Variants in ESCO1 observed in about 807,000 individuals in gnomAD.
ESCO1 encodes the protein N-acetyltransferase ESCO1.
ESCO1 carries 33 observed loss-of-function variants against 83.5 expected under a neutral mutation model. The observed-to-expected ratio is 0.40, with a 90% CI of 0.30 to 0.53. ESCO1 has a LOEUF of 0.53. Among genes scored for constraint, ESCO1 ranks in the 20% least tolerant of loss-of-function variants. The pLI is 0.63. For missense variants in ESCO1, 855 were observed against 968.0 expected (o/e 0.88, Z 1.55); for synonymous variants, 332 against 324.3 (o/e 1.02, Z -0.25).
At chr18:21,592,719 T>C (rs1292823323) in intron 1 of ESCO1, among the ~76,000 whole-genome samples, 4 of 120,676 alleles carry the variant, frequency 3.3e-5, no homozygotes, top group African/African-American at 6.6e-5. Context: ...CCAGACGGGG[T>C]GGCTGCCGGG....
rs757071134 is a variant in ESCO1, at chr18:21,573,472, T to C, written c.1372A>G (p.Ile458Val). ...ITCQQEKMKEINSEEVKINDI... is the reference protein window; with the variant it reads ...ITCQQEKMKEVNSEEVKINDI... ...TTAATTTTCACTTCTTCAGAATTAA[T>C]TTCTTTCATTTTTTCCTGCTGGCAA... Residue 458 changes from isoleucine (I) to valine (V), a missense_variant, in exon 4 of 12, where the codon ATT (isoleucine) becomes GTT (valine). Physicochemically the swap from Ile to Val is conservative, Grantham distance 29 (BLOSUM62 3). Coordinates refer to ENST00000269214, the MANE Select transcript of ESCO1 (RefSeq NM_052911.3). 1.9e-6 allele frequency: 3 copies of C among 1,612,012 alleles called. No individual in the cohort carries two copies. The highest frequency in any genetic ancestry group is 2.5e-6 in the Non-Finnish European group (3 of 1,179,604).
chr18:21,542,137 G>C (rs1388184882), intron 8 of ESCO1, among the ~76,000 whole-genome samples: 1 of 152,008 alleles, frequency 6.6e-6, no homozygotes, highest in East Asian at 1.9e-4. Flanking sequence ...AGGATACTTA[G>C]TATTGCTTAG....
rs766550378 is a variant in ESCO1, at chr18:21,574,335, G to A, written c.509C>T (p.Thr170Ile). ...TTTTCTCTTCACATGTTTTTGACTT[G>A]TTTTATTAGATTTACTCTGAGTACT... ...CSSTQSKSNK[T>I]SQKHVKRKVL... The change falls in exon 4 of 12, where the codon ACA (threonine) becomes ATA (isoleucine). Residue 170 changes from threonine to isoleucine, a missense_variant. Thr to Ile is a moderately conservative substitution (Grantham distance 89). Coordinates refer to ENST00000269214, the MANE Select transcript of ESCO1 (RefSeq NM_052911.3). 22 of 1,613,416 alleles carry A rather than the reference G, an allele frequency of 1.4e-5. No homozygotes were observed. The African/African-American group carries it at 2.0e-4, about 15-fold the overall frequency.
Position 21,570,793 on chromosome 18 carries a change from G to A in ESCO1, c.1530+2521C>T, listed in dbSNP as rs201325434. ...GGAGATCGAGACCATCCTGGCCAAC[G>A]GGTGAAACCCCGTCTCTACTAAAAA... On this transcript the variant is annotated intron_variant, in intron 4 of 11. Coordinates refer to ENST00000269214, the MANE Select transcript of ESCO1 (RefSeq NM_052911.3). Among the ~76,000 whole-genome samples, 184 of 152,054 alleles carry A rather than the reference G, an allele frequency of 1.2e-3. 1 individual carries two copies. Among genetic ancestry groups the A allele is most frequent in the East Asian group, 4.7e-3 (24 of 5,142 alleles).
chr18:21,547,319 C>A (rs2037986391), intron 8 of ESCO1, among the ~76,000 whole-genome samples: 1 of 148,042 alleles, frequency 6.8e-6, no homozygotes, highest in African/African-American at 2.5e-5. Flanking sequence ...AAAAAATTAT[C>A]ACATAAGAGA....
intron 10 of ESCO1, among the ~76,000 whole-genome samples, chr18:21,535,631 T>G (rs1348232490): frequency 2.0e-5 from 3 of 152,044 alleles, no homozygotes; most frequent in African/African-American, 7.2e-5. Flanking sequence ...ATCCTCCCAC[T>G]TCGGCCTCCC....
At chr18:21,551,591 G>C (rs1471670019) in intron 8 of ESCO1, among the ~76,000 whole-genome samples, 1 of 152,208 alleles carries the variant, frequency 6.6e-6, no homozygotes, top group African/African-American at 2.4e-5. Context: ...ACAGACAGAG[G>C]ACAAGGAGAA....
chr18:21,542,168 C>G (rs1320717869), intron 8 of ESCO1, among the ~76,000 whole-genome samples: 1 of 151,916 alleles, frequency 6.6e-6, no homozygotes, highest in African/African-American at 2.4e-5. Flanking sequence ...TTCATGAAAA[C>G]AGCAAGTTTT....
intron 1 of ESCO1, among the ~76,000 whole-genome samples, chr18:21,596,730 G>C (rs2038773235): frequency 6.6e-6 from 1 of 152,138 alleles, no homozygotes; most frequent in African/African-American, 2.4e-5. Context: ...AGCTACTCGG[G>C]AGGCTGAGGC....
Position 21,574,317 on chromosome 18 carries a change from T to G in ESCO1, c.527A>C (p.Lys176Thr), listed in dbSNP as rs960243791. 6 of 1,613,844 alleles carry G rather than the reference T, an allele frequency of 3.7e-6. No homozygotes were observed. The highest frequency in any genetic ancestry group is 5.1e-6 in the Non-Finnish European group (6 of 1,180,000). ...AGACTTTACTTCCAGTACTTTTCTC[T>G]TCACATGTTTTTGACTTGTTTTATT... ...KSNKTSQKHVKRKVLEVKSDS... is the reference protein window; with the variant it reads ...KSNKTSQKHVTRKVLEVKSDS... Residue 176 changes from lysine (K) to threonine (T), a missense_variant, in exon 4 of 12, where the codon AAG becomes ACG. Lys to Thr is a moderately conservative substitution (Grantham distance 78). This residue lies in a region of ESCO1 where 726 missense variants were observed against 699.5 expected (regional missense o/e 1.04). Coordinates refer to ENST00000269214, the MANE Select transcript of ESCO1 (RefSeq NM_052911.3).
chr18:21,584,713 G>A lies in ESCO1; in HGVS notation c.-824-273C>T, dbSNP rs113145675. Among the ~76,000 whole-genome samples the A allele has an allele frequency of 1.4e-4, 21 of 152,120 alleles. 1 individual carries two copies. Among genetic ancestry groups the A allele is most frequent in the African/African-American group, 4.6e-4 (19 of 41,484 alleles). On this transcript the variant is annotated intron_variant, in intron 1 of 11. Transcript: ENST00000269214. The stretch of plus-strand genomic sequence containing the variant: ...CACGTCTGTAAGTCCCAGCTACTTC[G>A]GAGGCTGAGGTGGGCGTATCACCTG...
At chr18:21,542,894 A>G (rs750589082) in intron 8 of ESCO1, among the ~76,000 whole-genome samples, 55 of 152,228 alleles carry the variant, frequency 3.6e-4, no homozygotes, top group Admixed American at 2.0e-4. Flanking sequence ...AGCAGGGTTC[A>G]GGAAAGAGTG....
rs202096197 is a variant in ESCO1, at chr18:21,540,015, T to G, written c.1954-6A>C. 7.4e-4 allele frequency: 17 copies of G among 23,024 alleles called. No individual in the cohort carries two copies. The African/African-American group carries it at 9.0e-3, about 12-fold the overall frequency. 1.4% of individuals were successfully genotyped at this position (23,024 alleles called of 1,614,324 possible). ...ATTCTTTCTTTCTTCCAGCCCTAGATATATATATATATATATACACACATA... is the reference window on the plus strand; with the variant it reads ...ATTCTTTCTTTCTTCCAGCCCTAGAGATATATATATATATATACACACATA... On this transcript the variant is annotated splice_region_variant and splice_polypyrimidine_tract_variant and intron_variant, in intron 8 of 11. Coordinates refer to ENST00000269214, the MANE Select transcript of ESCO1 (RefSeq NM_052911.3).
chr18:21,595,377 A>AG (rs2038748407), intron 1 of ESCO1, among the ~76,000 whole-genome samples: 1 of 149,784 alleles, frequency 6.7e-6, no homozygotes, highest in Admixed American at 6.8e-5. Flanking sequence ...AAAAAAAAAA[A>AG]AAAAAAAAAG....
chr18:21,537,940 A>ATT (rs1568091879), intron 9 of ESCO1, among the ~76,000 whole-genome samples: 4 of 152,060 alleles, frequency 2.6e-5, no homozygotes, highest in African/African-American at 9.7e-5. Flanking sequence ...ATATTGGAAA[A>ATT]TTTTTTTGGG....
intron 8 of ESCO1, among the ~76,000 whole-genome samples, chr18:21,559,333 T>C (rs2038153684): frequency 6.6e-6 from 1 of 152,194 alleles, no homozygotes; most frequent in South Asian, 2.1e-4. Context: ...TTCCCTAGGT[T>C]GCTACATTGC....
chr18:21,563,576 G>C (rs1335626379), intron 7 of ESCO1, among the ~76,000 whole-genome samples: 1 of 151,662 alleles, frequency 6.6e-6, no homozygotes, highest in African/African-American at 2.4e-5. Flanking sequence ...TCAAACTCCC[G>C]ACCTCAGGTG....
chr18:21,578,224 G>A (rs989208950), intron 2 of ESCO1, among the ~76,000 whole-genome samples: 1 of 151,938 alleles, frequency 6.6e-6, no homozygotes, highest in Non-Finnish European at 1.5e-5. Context: ...GACAAAATTA[G>A]AGACAAAAAC....
chr18:21,562,772 T>C (rs1417120993), intron 7 of ESCO1, among the ~76,000 whole-genome samples: 2 of 152,210 alleles, frequency 1.3e-5, no homozygotes, highest in African/African-American at 4.8e-5. Context: ...TCTCCTGTTT[T>C]CCAATTTATC....
Sources: gnomAD v4.1 joint callset for allele counts (sites outside exome capture counted in the v4.1 genomes callset) on GRCh38, gnomAD v4.1.1 for gene constraint, gnomAD v4.1.1 regional missense constraint, MANE v1.5 for transcripts, NCBI Gene and HGNC (gene_info 2026-07-23, HGNC 2026-07-21) for gene names.